The following GPR89A variants were observed in gnomAD, a reference collection of about 807,000 sequenced individuals.
The protein encoded by GPR89A is G protein-coupled receptor 89A.
GPR89A carries 16 observed loss-of-function variants against 52.0 expected under a neutral mutation model. The ratio of observed to expected loss-of-function variants is 0.31; its 90% CI spans 0.21 to 0.47. GPR89A has a LOEUF of 0.47. GPR89A is among the 20% of genes least tolerant of loss of function. The pLI, the probability that GPR89A is intolerant of heterozygous loss-of-function variation, is 1.00. For missense variants in GPR89A, 135 were observed against 449.4 expected (o/e 0.30, Z 6.33); for synonymous variants, 55 against 150.9 (o/e 0.36, Z 4.66).
In GPR89A at chr1:145,616,270, C is replaced by A. The variant is rs587596987; in HGVS notation, c.79C>A (p.Arg27Ser). The change falls in exon 2 of 14, where the codon CGC becomes AGC. Residue 27 changes from arginine to serine, a missense_variant. Arg to Ser is a moderately radical substitution (Grantham distance 110). Transcript: ENST00000313835. ...TGGATTTGGGTGGCTTTTCTTCATG[C>A]GCCAATTGTTTAAAGACTATGAGGT... The part of the protein sequence containing the change: ...FFGFGWLFFM[R>S]QLFKDYEIRQ... 1.4e-5 allele frequency: 23 copies of A among 1,610,492 alleles called. No homozygotes were observed. Among genetic ancestry groups the A allele is most frequent in the Non-Finnish European group, 1.9e-5 (22 of 1,178,108 alleles).
chr1:145,648,759 G>A (rs1651229101), intron 10 of GPR89A, among the ~76,000 whole-genome samples: 1 of 150,422 alleles, frequency 6.6e-6, no homozygotes, highest in African/African-American at 2.5e-5. Flanking sequence ...GGGACTACAG[G>A]CGTGAGCCAT....
chr1:145,636,363 T>C (rs1210488703), intron 7 of GPR89A, among the ~76,000 whole-genome samples: 1 of 140,856 alleles, frequency 7.1e-6, no homozygotes, highest in Non-Finnish European at 1.5e-5. Flanking sequence ...AAAACTGTTT[T>C]TGCAAACATT....
chr1:145,608,377 C>G, intron 1 of GPR89A: 1 of 986,310 alleles, frequency 1.0e-6, no homozygotes, highest in Non-Finnish European at 1.5e-6. Context: ...GGCCTGCGGC[C>G]GTCCGCGTCC....
intron 1 of GPR89A, 125 bp downstream of exon 1, chr1:145,608,300 T>C (rs1553685368): frequency 2.5e-5 from 34 of 1,352,026 alleles, no homozygotes; most frequent in Non-Finnish European, 3.5e-5. Flanking sequence ...CGCTAGTCAC[T>C]CTGGCACCCA....
intron 5 of GPR89A, among the ~76,000 whole-genome samples, chr1:145,627,681 A>T (rs1649603833): frequency 6.6e-6 from 1 of 152,132 alleles, no homozygotes; most frequent in African/African-American, 2.4e-5. Context: ...ATAAAGAGGT[A>T]AATATATAAA....
At chr1:145,619,865 A>G (rs1164722340) in intron 3 of GPR89A, among the ~76,000 whole-genome samples, 1 of 152,046 alleles carries the variant, frequency 6.6e-6, no homozygotes, top group African/African-American at 2.4e-5. Context: ...AATACAAAAA[A>G]TTAGCTGGGC....
At chr1:145,663,151 A>G (rs1469217084) in intron 10 of GPR89A, among the ~76,000 whole-genome samples, 178 bp from the exon 11 acceptor site, 3 of 152,060 alleles carry the variant, frequency 2.0e-5, no homozygotes, top group Non-Finnish European at 2.9e-5. Flanking sequence ...TTGTTTGCCT[A>G]TATATGAGTA....
intron 7 of GPR89A, among the ~76,000 whole-genome samples, chr1:145,632,120 T>G (rs1649915656): frequency 6.6e-6 from 1 of 150,974 alleles, no homozygotes; most frequent in African/African-American, 2.4e-5. Context: ...ATTAGAATTT[T>G]TTTGTTTAAT....
At chr1:145,667,704 G>A (rs1201308679) in intron 12 of GPR89A, among the ~76,000 whole-genome samples, 2 of 151,788 alleles carry the variant, frequency 1.3e-5, no homozygotes, top group South Asian at 2.1e-4. Context: ...TATGGTTTTA[G>A]GTCTAACATT....
At chr1:145,647,879 C>CTATATATATATATA (rs782172827) in intron 10 of GPR89A, among the ~76,000 whole-genome samples, 3 of 24,666 alleles carry the variant, frequency 1.2e-4, no homozygotes, top group African/African-American at 4.3e-4. Flanking sequence ...CTCTCTCTCT[C>CTATATATATATATA]TATATATATA....
intron 11 of GPR89A, among the ~76,000 whole-genome samples, chr1:145,664,004 TG>T: frequency 6.6e-6 from 1 of 150,678 alleles, no homozygotes; most frequent in Admixed American, 6.6e-5. Context: ...AATACACCCT[TG>T]TCCTAATTGA....
chr1:145,613,195 GC>G (rs1330258003), intron 1 of GPR89A, among the ~76,000 whole-genome samples: 2 of 150,952 alleles, frequency 1.3e-5, no homozygotes, highest in Non-Finnish European at 2.9e-5. Context: ...CCCATCCTCT[GC>G]CCCCTTTCCT....
At chr1:145,666,703 CT>C (rs1271395052) in intron 12 of GPR89A, among the ~76,000 whole-genome samples, 2 of 119,942 alleles carry the variant, frequency 1.7e-5, no homozygotes, top group African/African-American at 3.2e-5. Context: ...TCCCTCCCCC[CT>C]CCCCCCACCC....
intron 7 of GPR89A, among the ~76,000 whole-genome samples, chr1:145,640,211 C>G (rs1398750772): frequency 5.6e-5 from 1 of 17,740 alleles, no homozygotes; most frequent in East Asian, 1.4e-3. Context: ...AGCGAGACTC[C>G]GTCTCAAAAA....
At chr1:145,641,211 A>C (rs1395156054) in intron 7 of GPR89A, among the ~76,000 whole-genome samples, 3 of 151,040 alleles carry the variant, frequency 2.0e-5, no homozygotes, top group Non-Finnish European at 2.9e-5. Context: ...CTGTACTTGA[A>C]TGTTTATGAA....
chr1:145,663,569 G>A (rs1652355398), intron 11 of GPR89A, 145 bp downstream of exon 11: 1 of 631,756 alleles, frequency 1.6e-6, no homozygotes, highest in Non-Finnish European at 2.7e-6. Flanking sequence ...GTATTCACAT[G>A]GAAAATTTTT....
intron 7 of GPR89A, among the ~76,000 whole-genome samples, chr1:145,640,389 A>G: frequency 1.1e-5 from 1 of 90,208 alleles, no homozygotes; most frequent in East Asian, 3.1e-4. Flanking sequence ...AAAATTTAAC[A>G]CTTTCGCTCT....
rs781916160 is a variant in GPR89A at position 145,618,302 on chromosome 1, CTGTT to C, written c.103-15_103-12del. The C allele has an allele frequency of 6.7e-7, 1 of 1,499,962 alleles. No individual in the cohort carries two copies. The highest frequency in any genetic ancestry group is 2.3e-5 in the East Asian group (1 of 43,998). The allele number at this position is 1,499,962 out of a possible 1,614,324, so 92.9% of individuals were successfully genotyped here. ...TAAACAAGGAAATAACTTCTAGTCTCTGTTTGGCTTTTAACAGATACGTCAGTAT... is the reference window on the plus strand; with the variant it reads ...TAAACAAGGAAATAACTTCTAGTCTCTGGCTTTTAACAGATACGTCAGTAT... On this transcript the variant is annotated splice_polypyrimidine_tract_variant and intron_variant, in intron 2 of 13. Transcript: ENST00000313835.
intron 12 of GPR89A, among the ~76,000 whole-genome samples, 157 bp from the exon 13 acceptor site, chr1:145,669,468 T>TTA (rs1652813748): frequency 6.7e-6 from 1 of 149,480 alleles, no homozygotes; most frequent in Non-Finnish European, 1.5e-5. Flanking sequence ...CAGTCTATTT[T>TTA]AAGTCTCTTC....
Sources: gnomAD v4.1 joint callset for allele counts (sites outside exome capture counted in the v4.1 genomes callset) on GRCh38, gnomAD v4.1.1 for gene constraint, MANE v1.5 for transcripts, NCBI Gene and HGNC (gene_info 2026-07-23, HGNC 2026-07-21) for gene names.